Variants in LRMDA observed in about 807,000 individuals in gnomAD.
LRMDA encodes leucine-rich melanocyte differentiation-associated protein.
In LRMDA, 18 loss-of-function variants were observed where a neutral mutation model predicts 29.8. The ratio of observed to expected loss-of-function variants is 0.60; its 90% confidence interval spans 0.42 to 0.90. The LOEUF (loss-of-function observed/expected upper bound fraction) is 0.90. LRMDA is among the 40% of genes least tolerant of loss of function. LRMDA has a pLI of 0.00. For missense variants in LRMDA, 273 were observed against 273.9 expected (o/e 1.00, Z 0.02); for synonymous variants, 125 against 109.4 (o/e 1.14, Z -0.89).
chr10:76,037,244 C>T (rs1419075879), intron 3 of LRMDA, among the ~76,000 whole-genome samples: 1 of 152,228 alleles, frequency 6.6e-6, no homozygotes, highest in Non-Finnish European at 1.5e-5. Context: ...TACTGTGTTG[C>T]TTCAGACTCA....
At chr10:75,973,100 C>G (rs1163421793) in intron 2 of LRMDA, among the ~76,000 whole-genome samples, 6 of 152,038 alleles carry the variant, frequency 3.9e-5, no homozygotes, top group Admixed American at 3.9e-4. Context: ...TTCTTATGTT[C>G]TAGGCACTGT....
intron 2 of LRMDA, among the ~76,000 whole-genome samples, chr10:75,779,662 G>T (rs1843355544): frequency 6.6e-6 from 1 of 152,156 alleles, no homozygotes; most frequent in Admixed American, 6.5e-5. Context: ...TTCGTTTCTT[G>T]CTCACCTTAT....
chr10:76,198,379 G>A (rs1363262608), intron 5 of LRMDA, among the ~76,000 whole-genome samples: 1 of 152,234 alleles, frequency 6.6e-6, no homozygotes, highest in East Asian at 1.9e-4. Flanking sequence ...AAGAGTCTTA[G>A]CATGTTTTCT....
intron 2 of LRMDA, among the ~76,000 whole-genome samples, chr10:75,657,093 A>G (rs1841686241): frequency 6.6e-6 from 1 of 152,216 alleles, no homozygotes; most frequent in South Asian, 2.1e-4. Flanking sequence ...TGGTCAAAAC[A>G]TATTGGGTAG....
At chr10:76,240,763 GAGATAGAT>G (rs55944717) in intron 5 of LRMDA, among the ~76,000 whole-genome samples, 3,671 of 144,018 alleles carry the variant, frequency 0.025, 84 homozygotes, top group African/African-American at 0.062. Context: ...AAGAAAATGT[GAGATAGAT>G]AGATAGATAG....
At chr10:75,436,269 AT>A (rs1279866047) in intron 1 of LRMDA, among the ~76,000 whole-genome samples, 1 of 152,036 alleles carries the variant, frequency 6.6e-6, no homozygotes, top group Non-Finnish European at 1.5e-5. Context: ...TGTCTATTAG[AT>A]TTAGTCCTTG....
chr10:75,977,254 T>C (rs985702832), intron 2 of LRMDA, among the ~76,000 whole-genome samples: 1 of 152,188 alleles, frequency 6.6e-6, no homozygotes, highest in African/African-American at 2.4e-5. Flanking sequence ...AATTTACTCA[T>C]AGCTCAAGAG....
chr10:75,942,530 A>G (rs1846409485), intron 2 of LRMDA, among the ~76,000 whole-genome samples: 1 of 152,194 alleles, frequency 6.6e-6, no homozygotes, highest in Non-Finnish European at 1.5e-5. Context: ...AGTTAAGGGC[A>G]GGTAGAAATC....
At chr10:75,748,578 A>G (rs986286887) in intron 2 of LRMDA, among the ~76,000 whole-genome samples, 2 of 152,038 alleles carry the variant, frequency 1.3e-5, no homozygotes, top group Non-Finnish European at 2.9e-5. Flanking sequence ...CATTTCTACA[A>G]CCTGGGGAGA....
intron 2 of LRMDA, among the ~76,000 whole-genome samples, chr10:75,464,443 A>T (rs912579718): frequency 6.6e-6 from 1 of 152,208 alleles, no homozygotes; most frequent in South Asian, 2.1e-4. Context: ...TGTTAGCTGT[A>T]TGCTTAGGGT....
intron 5 of LRMDA, among the ~76,000 whole-genome samples, chr10:76,246,363 G>A (rs1852377021): frequency 6.6e-6 from 1 of 152,178 alleles, no homozygotes; most frequent in African/African-American, 2.4e-5. Context: ...CCACCTCATG[G>A]TAGGACCTTG....
At chr10:76,234,420 G>A (rs958759882) in intron 5 of LRMDA, among the ~76,000 whole-genome samples, 1 of 152,074 alleles carries the variant, frequency 6.6e-6, no homozygotes, top group Non-Finnish European at 1.5e-5. Flanking sequence ...TAGAATTTTT[G>A]GAATGATAAA....
At chr10:75,840,113 T>A (rs1844513239) in intron 2 of LRMDA, among the ~76,000 whole-genome samples, 1 of 152,180 alleles carries the variant, frequency 6.6e-6, no homozygotes, top group South Asian at 2.1e-4. Context: ...CCCTGTATCA[T>A]CCAATTCTAC....
At chr10:76,154,466 C>T (rs920968654) in intron 5 of LRMDA, among the ~76,000 whole-genome samples, 5 of 152,148 alleles carry the variant, frequency 3.3e-5, no homozygotes, top group Non-Finnish European at 7.3e-5. Flanking sequence ...AGATGACTTG[C>T]AGTGAAGGAG....
chr10:75,783,796 A>G (rs762011719), intron 2 of LRMDA, among the ~76,000 whole-genome samples: 14 of 152,206 alleles, frequency 9.2e-5, no homozygotes, highest in Non-Finnish European at 1.6e-4. Flanking sequence ...GTGCTCAATA[A>G]ATGTTCATCT....
At chr10:75,799,254 C>T (rs948553629) in intron 2 of LRMDA, among the ~76,000 whole-genome samples, 1 of 152,164 alleles carries the variant, frequency 6.6e-6, no homozygotes, top group Non-Finnish European at 1.5e-5. Flanking sequence ...TTTAAGTGCA[C>T]ACATATTTAT....
At chr10:75,983,914 C>G (rs550126799) in intron 2 of LRMDA, among the ~76,000 whole-genome samples, 2 of 152,298 alleles carry the variant, frequency 1.3e-5, no homozygotes, top group Admixed American at 1.3e-4. Context: ...CTTGGCCTCC[C>G]AAAGTGCTGG....
chr10:75,461,913 A>G (rs1324910774), intron 2 of LRMDA, among the ~76,000 whole-genome samples: 1 of 152,254 alleles, frequency 6.6e-6, no homozygotes, highest in Non-Finnish European at 1.5e-5. Flanking sequence ...AAGGAGGCAG[A>G]GCAAGCAACT....
intron 2 of LRMDA, among the ~76,000 whole-genome samples, chr10:75,594,185 TGA>T: frequency 6.6e-6 from 1 of 152,286 alleles, no homozygotes; most frequent in South Asian, 2.1e-4. Flanking sequence ...AAGAGCACAC[TGA>T]GAGAGCTCAG....
Sources: gnomAD v4.1 joint callset for allele counts (sites outside exome capture counted in the v4.1 genomes callset) on GRCh38, gnomAD v4.1.1 for gene constraint, MANE v1.5 for transcripts, NCBI Gene and HGNC (gene_info 2026-07-23, HGNC 2026-07-21) for gene names.